Variants in SVIL observed in about 807,000 individuals in gnomAD.
The protein encoded by SVIL is supervillin, also known as archvillin.
SVIL carries 101 observed loss-of-function variants against 240.4 expected under a neutral mutation model. The observed-to-expected ratio is 0.42, with a 90% CI of 0.36 to 0.50. SVIL has a LOEUF of 0.50. SVIL is among the 20% of genes least tolerant of loss of function. SVIL has a pLI of 0.01. For missense variants in SVIL, 2,512 were observed against 2,818.7 expected, an observed-to-expected ratio of 0.89 and a Z score of 2.46; for synonymous variants, 999 against 1,100.0, an observed-to-expected ratio of 0.91 and a Z score of 1.82.
intron 1 of SVIL, among the ~76,000 whole-genome samples, chr10:29,718,830 C>A (rs1183194936): frequency 6.6e-6 from 1 of 152,160 alleles, no homozygotes; most frequent in Non-Finnish European, 1.5e-5. Flanking sequence ...AAAAACTCAG[C>A]CAGCCATGGT....
At chr10:29,526,620 T>C (rs1225516335) in intron 13 of SVIL, among the ~76,000 whole-genome samples, 1 of 152,196 alleles carries the variant, frequency 6.6e-6, no homozygotes, top group Non-Finnish European at 1.5e-5. Flanking sequence ...CATTTTTCTA[T>C]TAATCTTTAT....
In SVIL at chr10:29,487,243, C is replaced by T; in HGVS notation, c.4405G>A (p.Gly1469Arg). ...GGAGAGAGCAGGAGGAAGCAGTCCC[C>T]ACTGTTGAGCGCCGAAGCTCGAGGT... ...VEPRASALNS[G>R]DCFLLLSPHC... Residue 1469 changes from glycine (G) to arginine (R), a missense_variant, in exon 24 of 38, where the codon GGG (glycine) becomes AGG (arginine). Physicochemically the swap from Gly to Arg is moderately radical, Grantham distance 125 (BLOSUM62 -2). Transcript: ENST00000355867. The T allele has an allele frequency of 1.2e-6, 2 of 1,614,134 alleles. No individual in the cohort carries two copies. Among genetic ancestry groups the T allele is most frequent in the Non-Finnish European group, 8.5e-7 (1 of 1,180,012 alleles).
chr10:29,533,060 CCTT>C lies in SVIL; in HGVS notation c.1304_1306del (p.Glu435del), dbSNP rs1383676104. ...GCACACATCTTCTTCTTTTTCTTCT[CCTT>C]CTCCTTCCCCTTCTTCTTCTTCTGC... is the stretch of plus-strand genomic sequence containing the variant. On this transcript the variant is annotated inframe_deletion, in exon 8 of 38. Transcript: ENST00000355867. 1.9e-6 allele frequency: 3 copies of C among 1,614,022 alleles called. No individual in the cohort carries two copies. Among genetic ancestry groups the C allele is most frequent in the East Asian group, 4.5e-5 (2 of 44,876 alleles).
At chr10:29,594,566 T>TC (rs971471533) in intron 1 of SVIL, among the ~76,000 whole-genome samples, 3 of 151,134 alleles carry the variant, frequency 2.0e-5, no homozygotes, top group African/African-American at 7.3e-5. Context: ...TTTCTTTTTT[T>TC]TTTTTTTTGA....
In SVIL at chr10:29,514,156, TATCCATAAATATTAA is replaced by T. The variant is rs143536739; in HGVS notation, c.3390-1310_3390-1296del. Among the ~76,000 whole-genome samples, 266 of 52,378 alleles carry T rather than the reference TATCCATAAATATTAA, an allele frequency of 5.1e-3. 1 individual carries two copies. Among genetic ancestry groups the T allele is most frequent in the South Asian group, 0.013 (25 of 1,928 alleles). The allele number at this position is 52,378 out of a possible 152,430, so 34.4% of individuals were successfully genotyped here. On this transcript the variant is annotated intron_variant, in intron 16 of 37. Transcript: ENST00000355867. ...AATCCACAAATGGTATAAATATTTT[TATCCATAAATATTAA>T]ATCCATAAATATTAAATCCATAAAT...
At chr10:29,723,498 A>T (rs1964107335) in intron 1 of SVIL, among the ~76,000 whole-genome samples, 1 of 152,206 alleles carries the variant, frequency 6.6e-6, no homozygotes, top group Middle Eastern at 3.2e-3. Flanking sequence ...TTAAGAAGGC[A>T]TTACTCTTAG....
chr10:29,587,831 A>C (rs958940805), intron 1 of SVIL, among the ~76,000 whole-genome samples: 2 of 152,178 alleles, frequency 1.3e-5, no homozygotes, highest in African/African-American at 4.8e-5. Context: ...AATTCTTAGC[A>C]TTCCAGAAAA....
intron 18 of SVIL, among the ~76,000 whole-genome samples, chr10:29,495,391 T>A (rs2132418204): frequency 6.6e-6 from 1 of 152,080 alleles, no homozygotes; most frequent in Non-Finnish European, 1.5e-5. Flanking sequence ...TTCCAAGGAC[T>A]GTAGTGGCTG....
At chr10:29,556,461 C>A (rs1953946059) in intron 3 of SVIL, among the ~76,000 whole-genome samples, 1 of 152,202 alleles carries the variant, frequency 6.6e-6, no homozygotes, top group South Asian at 2.1e-4. Flanking sequence ...CATACACACA[C>A]ACAAAGTTTT....
intron 1 of SVIL, among the ~76,000 whole-genome samples, chr10:29,607,062 T>G (rs1004033911): frequency 6.6e-6 from 1 of 152,238 alleles, no homozygotes; most frequent in Non-Finnish European, 1.5e-5. Context: ...GCCTACACAT[T>G]GAACTATTTA....
intron 16 of SVIL, among the ~76,000 whole-genome samples, chr10:29,520,287 C>T (rs1483853018): frequency 6.6e-6 from 1 of 152,174 alleles, no homozygotes. Flanking sequence ...TTGTTAATTT[C>T]CTTAAATGAT....
chr10:29,624,101 G>A (rs1166543381), intron 1 of SVIL, among the ~76,000 whole-genome samples: 4 of 148,970 alleles, frequency 2.7e-5, no homozygotes, highest in Non-Finnish European at 5.9e-5. Context: ...CACTTTTTGG[G>A]AGTCACAGCC....
At chr10:29,696,546 G>A (rs1962018305) in intron 1 of SVIL, among the ~76,000 whole-genome samples, 1 of 151,532 alleles carries the variant, frequency 6.6e-6, no homozygotes, top group African/African-American at 2.4e-5. Context: ...TAGGAAGTGA[G>A]GAGCATCTCT....
At chr10:29,512,322 A>C (rs1400802410) in intron 17 of SVIL, among the ~76,000 whole-genome samples, 1 of 152,238 alleles carries the variant, frequency 6.6e-6, no homozygotes, top group East Asian at 1.9e-4. Flanking sequence ...CTTATTTTTT[A>C]TACTTAGGTT....
intron 1 of SVIL, among the ~76,000 whole-genome samples, chr10:29,610,802 C>A (rs1485865896): frequency 6.6e-6 from 1 of 152,142 alleles, no homozygotes; most frequent in Non-Finnish European, 1.5e-5. Flanking sequence ...ACCCTTTGGG[C>A]CTATGAAACC....
chr10:29,509,333 GAGAGAGAGAGAGAGAGAGAGA>G (rs1949628867), intron 17 of SVIL, among the ~76,000 whole-genome samples: 1 of 42,438 alleles, frequency 2.4e-5, no homozygotes, highest in African/African-American at 1.2e-4. Context: ...GGGGGAGGGA[GAGAGAGAGAGAGAGAGAGAGA>G]GAGAGAGAGA....
In SVIL at chr10:29,532,124, A is replaced by G. The variant is rs757404885; in HGVS notation, c.1887T>C (p.Gly629=). The part of the protein sequence containing the change: ...RSAEGPGLPT[G]VERERGSRKP... ...TCCGGGACCCTCTCTCCCGTTCCAC[A>G]CCGGTGGGCAAGCCAGGTCCTTCAG... The change falls in exon 9 of 38, where the codon GGT becomes GGC. Residue 629 remains glycine (G), a synonymous_variant. Coordinates refer to ENST00000355867, the MANE Select transcript of SVIL (RefSeq NM_021738.3). 1.9e-5 allele frequency: 31 copies of G among 1,614,022 alleles called. No homozygotes were observed. Among genetic ancestry groups the G allele is most frequent in the Non-Finnish European group, 2.5e-5 (30 of 1,179,892 alleles).
Position 29,523,470 on chromosome 10 carries a change from T to C in SVIL, c.3144A>G (p.Lys1048=). Residue 1048 remains lysine, a synonymous_variant, in exon 15 of 38, where the codon AAA becomes AAG. Transcript: ENST00000355867. ...ACTTACCTCTTAGTGAAAACTTCCTTTTCATAACATTCTCCACCTCCACCT... is the reference window on the plus strand; with the variant it reads ...ACTTACCTCTTAGTGAAAACTTCCTCTTCATAACATTCTCCACCTCCACCT... ...EEKVEVENVM[K]RKFSLRAAEF... is the part of the protein sequence containing the mutation. 6.2e-7 allele frequency: 1 copy of C among 1,605,178 alleles called. No homozygotes were observed. The highest frequency in any genetic ancestry group is 8.5e-7 in the Non-Finnish European group (1 of 1,175,702).
At chr10:29,730,170 C>A (rs1240916604) in intron 1 of SVIL, among the ~76,000 whole-genome samples, 3 of 152,098 alleles carry the variant, frequency 2.0e-5, no homozygotes, top group East Asian at 1.9e-4. Context: ...AGAGCAAGAC[C>A]CTGTCTCTAA....
Sources: allele counts gnomAD v4.1 joint callset (sites outside exome capture counted in the v4.1 genomes callset), GRCh38; gene constraint gnomAD v4.1.1; transcripts MANE v1.5; gene names NCBI Gene and HGNC (gene_info 2026-07-23, HGNC 2026-07-21).